SLC4A10: variants seen among roughly 807,000 people sequenced by gnomAD.
SLC4A10 encodes solute carrier family 4 member 10, also known as sodium-driven chloride bicarbonate exchanger.
SLC4A10 carries 42 observed loss-of-function variants against 137.7 expected under a neutral mutation model. That is an observed-to-expected ratio of 0.30 (90% confidence interval 0.24 to 0.39). SLC4A10 has a LOEUF of 0.39. Among genes scored for constraint, SLC4A10 ranks in the 10% least tolerant of loss-of-function variants. SLC4A10 has a pLI of 1.00. For synonymous variants in SLC4A10, 474 were observed against 464.1 expected, an observed-to-expected ratio of 1.02 and a Z score of -0.27; for missense variants, 925 against 1,355.0, an observed-to-expected ratio of 0.68 and a Z score of 4.98.
At chr2:161,836,554 AAG>A (rs2058801085) in intron 3 of SLC4A10, among the ~76,000 whole-genome samples, 2 of 85,252 alleles carry the variant, frequency 2.3e-5, no homozygotes, top group East Asian at 7.3e-4. Flanking sequence ...GAAAGAAAGA[AAG>A]AAAGAAAGAA....
intron 21 of SLC4A10, among the ~76,000 whole-genome samples, chr2:161,961,520 G>T (rs79868844): frequency 0.013 from 1,992 of 147,574 alleles, 40 homozygotes; most frequent in East Asian, 0.1. Flanking sequence ...TATGGAAGAG[G>T]TTTTGTTTAT....
chr2:161,924,098 G>C (rs1480758975), intron 15 of SLC4A10, among the ~76,000 whole-genome samples: 1 of 152,092 alleles, frequency 6.6e-6, no homozygotes, highest in East Asian at 1.9e-4. Context: ...TAACAAAAAA[G>C]CTTGTTCCAG....
At chr2:161,979,230 A>G (rs1391734442) in intron 26 of SLC4A10, among the ~76,000 whole-genome samples, 1 of 152,204 alleles carries the variant, frequency 6.6e-6, no homozygotes, top group African/African-American at 2.4e-5. Flanking sequence ...AAGTCTTGTG[A>G]CGTGATATTT....
intron 26 of SLC4A10, among the ~76,000 whole-genome samples, chr2:161,982,754 A>G (rs924601608): frequency 6.6e-6 from 1 of 152,082 alleles, no homozygotes; most frequent in Non-Finnish European, 1.5e-5. Context: ...ACAAGGGAGG[A>G]GCCATTTGCA....
intron 15 of SLC4A10, among the ~76,000 whole-genome samples, chr2:161,906,478 T>C (rs1415264685): frequency 6.6e-6 from 1 of 152,200 alleles, no homozygotes; most frequent in African/African-American, 2.4e-5. Context: ...GATCTATTGC[T>C]TTTTCTAGTT....
chr2:161,895,070 C>T (rs991143417), intron 11 of SLC4A10, among the ~76,000 whole-genome samples: 1 of 141,400 alleles, frequency 7.1e-6, no homozygotes, highest in African/African-American at 2.6e-5. Flanking sequence ...CCCCTCCCCC[C>T]ACTCCACAAC....
intron 15 of SLC4A10, among the ~76,000 whole-genome samples, chr2:161,936,996 G>T (rs909108133): frequency 1.3e-5 from 2 of 152,066 alleles, no homozygotes; most frequent in African/African-American, 4.8e-5. Context: ...AACTCTTACT[G>T]TTGCAATCTA....
At chr2:161,707,996 C>A (rs1232808069) in intron 1 of SLC4A10, among the ~76,000 whole-genome samples, 2 of 148,888 alleles carry the variant, frequency 1.3e-5, no homozygotes, top group African/African-American at 4.9e-5. Context: ...CAAGAGAGTA[C>A]AATTTTGCTT....
intron 4 of SLC4A10, among the ~76,000 whole-genome samples, chr2:161,844,209 T>TA (rs1405234703): frequency 6.6e-6 from 1 of 152,100 alleles, no homozygotes; most frequent in African/African-American, 2.4e-5. Flanking sequence ...GATACATACA[T>TA]ACATGGCAGA....
At chr2:161,844,416 A>C (rs2059370152) in intron 4 of SLC4A10, among the ~76,000 whole-genome samples, 1 of 152,230 alleles carries the variant, frequency 6.6e-6, no homozygotes, top group East Asian at 1.9e-4. Context: ...ATTTCCCCTT[A>C]AGATGACTAT....
intron 26 of SLC4A10, among the ~76,000 whole-genome samples, chr2:161,978,384 CAAAAAA>C (rs61399867): frequency 1.1e-4 from 10 of 90,514 alleles, no homozygotes; most frequent in Non-Finnish European, 1.5e-4. Context: ...GAGACTCTGT[CAAAAAA>C]AAAAAAAAAA....
intron 15 of SLC4A10, among the ~76,000 whole-genome samples, chr2:161,922,010 T>C (rs1482718557): frequency 1.3e-5 from 2 of 152,146 alleles, no homozygotes; most frequent in African/African-American, 2.4e-5. Context: ...AATGAATGCA[T>C]AGACAGGATT....
chr2:161,840,605 G>C (rs2059120114), intron 4 of SLC4A10, among the ~76,000 whole-genome samples: 1 of 152,120 alleles, frequency 6.6e-6, no homozygotes, highest in African/African-American at 2.4e-5. Context: ...AATGGATATG[G>C]CACAACAACA....
At chr2:161,706,967 C>G (rs2043740892) in intron 1 of SLC4A10, among the ~76,000 whole-genome samples, 1 of 151,230 alleles carries the variant, frequency 6.6e-6, no homozygotes, top group Non-Finnish European at 1.5e-5. Flanking sequence ...TTATGGAGTC[C>G]CTAGCACCTA....
intron 16 of SLC4A10, among the ~76,000 whole-genome samples, chr2:161,945,224 ATATATATATATT>A (rs1408257637): frequency 6.1e-5 from 6 of 98,850 alleles, no homozygotes; most frequent in African/African-American, 1.1e-4. Context: ...ATATATATAT[ATATATATATATT>A]TGTCAGTATC....
chr2:161,755,484 G>C (rs1156801784), intron 1 of SLC4A10, among the ~76,000 whole-genome samples: 5 of 151,982 alleles, frequency 3.3e-5, no homozygotes, highest in Non-Finnish European at 7.4e-5. Context: ...GATTTTCAAG[G>C]GTTCTCCAGC....
chr2:161,938,877 C>A (rs193100733), intron 15 of SLC4A10, among the ~76,000 whole-genome samples: 404 of 151,734 alleles, frequency 2.7e-3, no homozygotes, highest in African/African-American at 7.3e-3. Flanking sequence ...GGAAAAAAAA[C>A]CCCACAAATA....
At chr2:161,754,910 C>A (rs2049429547) in intron 1 of SLC4A10, among the ~76,000 whole-genome samples, 1 of 152,078 alleles carries the variant, frequency 6.6e-6, no homozygotes, top group Non-Finnish European at 1.5e-5. Context: ...GCAACTACTA[C>A]CTGCTCAATG....
At chr2:161,843,516 G>A (rs1173487239) in intron 4 of SLC4A10, among the ~76,000 whole-genome samples, 1 of 152,094 alleles carries the variant, frequency 6.6e-6, no homozygotes, top group Non-Finnish European at 1.5e-5. Context: ...AATAATAACA[G>A]ATATTGAAGG....
Sources: gnomAD v4.1 joint callset for allele counts (sites outside exome capture counted in the v4.1 genomes callset) on GRCh38, gnomAD v4.1.1 for gene constraint, MANE v1.5 for transcripts, NCBI Gene and HGNC (gene_info 2026-07-23, HGNC 2026-07-21) for gene names.